CACYBP: variants seen among roughly 807,000 people sequenced by gnomAD.
CACYBP encodes the protein calcyclin-binding protein.
In CACYBP, 11 loss-of-function variants were observed where a neutral mutation model predicts 29.6. That is an observed-to-expected ratio of 0.37 (90% CI 0.23 to 0.61). The LOEUF (loss-of-function observed/expected upper bound fraction) is 0.61. CACYBP is among the 20% of genes least tolerant of loss of function. CACYBP has a pLI of 0.65. For synonymous variants in CACYBP, 73 were observed against 88.3 expected (o/e 0.83, Z 0.97); for missense variants, 163 against 260.7 (o/e 0.63, Z 2.58).
chr1:175,008,178 C>T (rs1672662802), intron 4 of CACYBP, among the ~76,000 whole-genome samples: 1 of 152,122 alleles, frequency 6.6e-6, no homozygotes, highest in South Asian at 2.1e-4. Context: ...CCCGACCCCT[C>T]TTATTATATT....
chr1:175,004,301 C>A (rs1023333434), intron 1 of CACYBP, among the ~76,000 whole-genome samples: 2 of 152,022 alleles, frequency 1.3e-5, no homozygotes, highest in Admixed American at 6.6e-5. Flanking sequence ...AAAAAAAGTT[C>A]TTTGTTTTAC....
intron 4 of CACYBP, among the ~76,000 whole-genome samples, chr1:175,007,457 C>A (rs1160537862): frequency 6.6e-6 from 1 of 152,082 alleles, no homozygotes; most frequent in Non-Finnish European, 1.5e-5. Context: ...ACTATGCGGC[C>A]CTCGACAGAG....
At chr1:175,001,752 CTTTG>C (rs1181565463) in intron 1 of CACYBP, among the ~76,000 whole-genome samples, 2 of 152,186 alleles carry the variant, frequency 1.3e-5, no homozygotes, top group African/African-American at 2.4e-5. Context: ...ATTTCCACTT[CTTTG>C]TTTGAGACGG....
Position 175,010,215 on chromosome 1 carries a change from C to T in CACYBP, c.*136C>T, listed in dbSNP as rs995651675. On this transcript the variant is annotated 3_prime_UTR_variant, in exon 6 of 6. Coordinates refer to ENST00000367679, the MANE Select transcript of CACYBP (RefSeq NM_014412.3). ...GCCTTCTAAGTAAAGGCAATGAATT[C>T]TCCATTTCCTACTGGAGGATTTATT... is the stretch of plus-strand genomic sequence containing the variant. 3.1e-6 allele frequency: 2 copies of T among 649,672 alleles called. No individual in the cohort carries two copies. Among genetic ancestry groups the T allele is most frequent in the Non-Finnish European group, 5.3e-6 (2 of 380,368 alleles). 40.2% of individuals were successfully genotyped at this position (649,672 alleles called of 1,614,324 possible).
rs1297243451 is a variant in CACYBP at position 175,004,602 on chromosome 1, G to A, written c.16-12G>A. The A allele has an allele frequency of 1.3e-6, 2 of 1,538,126 alleles. No homozygotes were observed. Among genetic ancestry groups the A allele is most frequent in the Non-Finnish European group, 1.8e-6 (2 of 1,137,838 alleles). On this transcript the variant is annotated splice_polypyrimidine_tract_variant and intron_variant, in intron 1 of 5. Transcript: ENST00000367679. ...ATTTATCATAGCTAACTTATTTTTT[G>A]TCTTAACACAGCTACAGAAAGATCT...
chr1:175,008,817 C>T, intron 5 of CACYBP, 111 bp downstream of exon 5: 1 of 674,462 alleles, frequency 1.5e-6, no homozygotes, highest in South Asian at 1.7e-5. Flanking sequence ...TGTCAAACTA[C>T]CTGAAGAGGG....
intron 1 of CACYBP, among the ~76,000 whole-genome samples, chr1:175,003,935 A>G (rs540029725): frequency 3.9e-5 from 6 of 152,356 alleles, no homozygotes; most frequent in Non-Finnish European, 7.4e-5. Context: ...GATAATTTCC[A>G]AGAGTATGTT....
At chr1:175,000,396 C>T (rs1162825815) in intron 1 of CACYBP, 1 of 1,409,894 alleles carries the variant, frequency 7.1e-7, no homozygotes, top group Non-Finnish European at 9.2e-7. Context: ...CGACCTCGCA[C>T]CCCACTCGCC....
chr1:175,003,981 A>C (rs547262693), intron 1 of CACYBP, among the ~76,000 whole-genome samples: 2 of 152,150 alleles, frequency 1.3e-5, no homozygotes, highest in Non-Finnish European at 2.9e-5. Context: ...TGTGCAACCA[A>C]CTCCTACACT....
chr1:175,005,885 T>C (rs1672608927), intron 2 of CACYBP, among the ~76,000 whole-genome samples: 1 of 152,152 alleles, frequency 6.6e-6, no homozygotes, highest in Admixed American at 6.5e-5. Flanking sequence ...TCATCAACAC[T>C]GTTTCTTTTT....
In CACYBP at chr1:175,000,044, G is replaced by A. The variant is rs1017505418; in HGVS notation, c.-137G>A. 2.4e-6 allele frequency: 3 copies of A among 1,252,044 alleles called. No individual in the cohort carries two copies. The highest frequency in any genetic ancestry group is 2.3e-6 in the Non-Finnish European group (2 of 880,628). 77.6% of individuals were successfully genotyped at this position (1,252,044 alleles called of 1,614,324 possible). A position where few individuals can be genotyped will look rare whatever the true frequency, so the allele number is the denominator to read the frequency against. On this transcript the variant is annotated 5_prime_UTR_variant, in exon 1 of 6. Transcript: ENST00000367679. Reference sequence around the variant, plus strand: ...GGAGGCGGGCCGCGATCTTGCGCAGGGTCGGTGTGGGCGCAGGCTGCAGCG... The same window carrying A: ...GGAGGCGGGCCGCGATCTTGCGCAGAGTCGGTGTGGGCGCAGGCTGCAGCG...
rs765949671 is a variant in CACYBP, at chr1:175,006,764, G to A, written c.255G>A (p.Lys85=). 1 of 1,597,978 alleles carries A rather than the reference G, an allele frequency of 6.3e-7. No individual in the cohort carries two copies. Among genetic ancestry groups the A allele is most frequent in the Non-Finnish European group, 8.6e-7 (1 of 1,166,678 alleles). ...TGCCAGGATGGGATCAGTCAGATAA[G>A]TTTGTGAAAATCTACATTACCTTAA... ...ISNYGWDQSD[K]FVKIYITLTG... Residue 85 remains lysine (K), a synonymous_variant, in exon 3 of 6, where the codon AAG becomes AAA. Transcript: ENST00000367679.
chr1:175,001,727 C>A lies in CACYBP; in HGVS notation c.15+1532C>A, dbSNP rs550269169. Among the ~76,000 whole-genome samples the A allele has an allele frequency of 1.2e-4, 19 of 152,244 alleles. No individual in the cohort carries two copies. In the South Asian group the frequency reaches 2.9e-3, roughly 23 times the overall value. On this transcript the variant is annotated intron_variant, in intron 1 of 5. Transcript: ENST00000367679. ...GGCACATTGTGTTTATCCTTTCATCCGTTTATGGACATTTATTTCCACTTC... is the reference window on the plus strand; with the variant it reads ...GGCACATTGTGTTTATCCTTTCATCAGTTTATGGACATTTATTTCCACTTC...
chr1:175,010,103 T>G lies in CACYBP; in HGVS notation c.*24T>G. On this transcript the variant is annotated 3_prime_UTR_variant, in exon 6 of 6. Coordinates refer to ENST00000367679, the MANE Select transcript of CACYBP (RefSeq NM_014412.3). Reference sequence around the variant, plus strand: ...GAGACTTTAAAGTCGTTTTGGGAACTGTGATGTGATGTGGAAATACTGATG... The same window carrying G: ...GAGACTTTAAAGTCGTTTTGGGAACGGTGATGTGATGTGGAAATACTGATG... 6.2e-7 allele frequency: 1 copy of G among 1,600,470 alleles called. No individual in the cohort carries two copies. Among genetic ancestry groups the G allele is most frequent in the Non-Finnish European group, 8.5e-7 (1 of 1,171,152 alleles).
At chr1:175,004,538 TTGAAA>T in intron 1 of CACYBP, 71 bp from the exon 2 acceptor site, 1 of 868,580 alleles carries the variant, frequency 1.2e-6, no homozygotes, top group Non-Finnish European at 1.8e-6. Context: ...TTTCAGTAAG[TTGAAA>T]TGAGTGATAC....
intron 2 of CACYBP, chr1:175,005,053 C>G: frequency 1.8e-6 from 1 of 551,880 alleles, no homozygotes; most frequent in Admixed American, 3.1e-5. Flanking sequence ...CAAAATGTAA[C>G]AACAAGGAAG....
At chr1:175,007,042 A>G in intron 3 of CACYBP, 56 bp from the exon 4 acceptor site, 1 of 1,237,834 alleles carries the variant, frequency 8.1e-7, no homozygotes, top group Non-Finnish European at 1.2e-6. Context: ...AGAACTATGG[A>G]GTAAGGGTAC....
rs377688600 is a variant in CACYBP, at chr1:175,004,804, C to T, written c.206C>T (p.Thr69Met). 69 of 1,611,604 alleles carry T rather than the reference C, an allele frequency of 4.3e-5. No homozygotes were observed. The highest frequency in any genetic ancestry group is 5.5e-5 in the Non-Finnish European group (65 of 1,177,854). Reference sequence around the variant, plus strand: ...GCTGCTGTGGTTGCTCCCATTACAACGGGCTATACGGTGAAAATCAGTAAT... The same window carrying T: ...GCTGCTGTGGTTGCTCCCATTACAATGGGCTATACGGTGAAAATCAGTAAT... ...KPAAVVAPIT[T>M]GYTVKISNYG... The change falls in exon 2 of 6, where the codon ACG becomes ATG. Residue 69 changes from threonine (T) to methionine (M), a missense_variant. Coordinates refer to ENST00000367679, the MANE Select transcript of CACYBP (RefSeq NM_014412.3).
chr1:175,005,255 A>G (rs1672590864), intron 2 of CACYBP, among the ~76,000 whole-genome samples: 1 of 152,224 alleles, frequency 6.6e-6, no homozygotes, highest in Admixed American at 6.5e-5. Flanking sequence ...TTACGGATAC[A>G]CAACAGTGAC....
Sources: allele counts gnomAD v4.1 joint callset (sites outside exome capture counted in the v4.1 genomes callset), GRCh38; gene constraint gnomAD v4.1.1; transcripts MANE v1.5; gene names NCBI Gene and HGNC (gene_info 2026-07-23, HGNC 2026-07-21).